The following INSL6 variants were observed in gnomAD, a reference collection of about 807,000 sequenced individuals.
INSL6 encodes the protein insulin-like peptide INSL6.
In INSL6, 16 loss-of-function variants were observed where a neutral mutation model predicts 9.4. The observed-to-expected ratio is 1.70, with a 90% CI of 1.15 to 2.59. INSL6 has a LOEUF of 2.59. INSL6 is among the 30% of genes most tolerant of loss of function. The pLI, the probability that INSL6 is intolerant of heterozygous loss-of-function variation, is 0.00. For synonymous variants in INSL6, 154 were observed against 96.9 expected, an observed-to-expected ratio of 1.59 and a Z score of -3.46; for missense variants, 391 against 257.3, an observed-to-expected ratio of 1.52 and a Z score of -3.56.
the INSL6 span, among the ~76,000 whole-genome samples, chr9:5,104,903 G>A: frequency 6.6e-6 from 1 of 152,146 alleles, no homozygotes; most frequent in Admixed American, 6.5e-5. Context: ...TTGATGGAAT[G>A]TATCTCAAAA....
intron 2 of INSL6, among the ~76,000 whole-genome samples, chr9:5,154,823 C>A (rs2130898171): frequency 6.6e-6 from 1 of 152,256 alleles, no homozygotes; most frequent in East Asian, 1.9e-4. Flanking sequence ...AGTCAGGAAA[C>A]AACAGGTGCT....
In INSL6 at chr9:5,180,378, T is replaced by C. The variant is rs186215302; in HGVS notation, c.289+4936A>G. Among the ~76,000 whole-genome samples, 651 of 152,294 alleles carry C rather than the reference T, an allele frequency of 4.3e-3. 4 individuals carry two copies. The highest frequency in any genetic ancestry group is 0.015 in the African/African-American group (606 of 41,574). ...AACAAGGGAAGACAACTGTAAGGTC[T>C]GACTGCCTGCGGGGTTGGGCAAAAA... On this transcript the variant is annotated intron_variant, in intron 1 of 1. Coordinates refer to ENST00000381641, the MANE Select transcript of INSL6 (RefSeq NM_007179.3).
At chr9:5,172,978 A>T (rs1285937890) in intron 1 of INSL6, among the ~76,000 whole-genome samples, 1 of 152,168 alleles carries the variant, frequency 6.6e-6, no homozygotes, top group Non-Finnish European at 1.5e-5. Flanking sequence ...CATTTCTTAA[A>T]AGAAGGCATT....
the INSL6 span, among the ~76,000 whole-genome samples, chr9:5,077,085 G>T: frequency 2.0e-5 from 3 of 151,794 alleles, no homozygotes; most frequent in South Asian, 2.1e-4. Flanking sequence ...GTGTGTAGAA[G>T]AACTTCAGGA....
intron 2 of INSL6, among the ~76,000 whole-genome samples, chr9:5,142,850 C>T (rs1007485300): frequency 6.6e-6 from 1 of 152,080 alleles, no homozygotes; most frequent in African/African-American, 2.4e-5. Context: ...ATATACGGCT[C>T]TTGTTATTTT....
chr9:5,115,733 A>C, the INSL6 span, among the ~76,000 whole-genome samples: 2 of 152,266 alleles, frequency 1.3e-5, no homozygotes, highest in African/African-American at 4.8e-5. Flanking sequence ...ATGCAGCCAT[A>C]AACAAGGATG....
the INSL6 span, chr9:5,072,571 A>G: frequency 1.9e-6 from 3 of 1,611,322 alleles, no homozygotes; most frequent in Non-Finnish European, 2.5e-6. Context: ...GGTCAACTGC[A>G]TGAAACAGAA....
chr9:5,040,864 C>T, the INSL6 span: 614 of 235,890 alleles, frequency 2.6e-3, 3 homozygotes, highest in African/African-American at 0.014. Flanking sequence ...GGAGAGGGGC[C>T]GGAGCGCGGA....
At chr9:5,054,073 G>A in the INSL6 span, among the ~76,000 whole-genome samples, 1 of 151,906 alleles carries the variant, frequency 6.6e-6, no homozygotes, top group African/African-American at 2.4e-5. The surrounding 1 kb of genome is among the most constrained non-coding windows in gnomAD (Gnocchi z 4.9). Context: ...AGTTGAAGCT[G>A]GCCTAACAAA....
chr9:5,130,922 G>C (rs1564033030), intron 3 of INSL6, among the ~76,000 whole-genome samples: 1 of 150,500 alleles, frequency 6.6e-6, no homozygotes, highest in African/African-American at 2.5e-5. Flanking sequence ...GTAGAGACGG[G>C]GTTTCACTGT....
chr9:5,037,772 G>T, the INSL6 span, among the ~76,000 whole-genome samples: 6 of 152,024 alleles, frequency 3.9e-5, no homozygotes, highest in Non-Finnish European at 8.8e-5. Flanking sequence ...CGAGTTACTG[G>T]GTGCAGCACA....
the INSL6 span, among the ~76,000 whole-genome samples, chr9:5,064,322 G>C: frequency 6.6e-6 from 1 of 152,120 alleles, no homozygotes; most frequent in African/African-American, 2.4e-5. Context: ...TTGAGGTCAG[G>C]AGTTGGAGAC....
At chr9:5,184,313 G>C (rs16922754) in intron 1 of INSL6, among the ~76,000 whole-genome samples, 2 of 152,092 alleles carry the variant, frequency 1.3e-5, no homozygotes, top group Non-Finnish European at 2.9e-5. Flanking sequence ...CTGAATTACT[G>C]TAAAAGGCAG....
chr9:5,026,083 T>C, the INSL6 span, among the ~76,000 whole-genome samples: 5 of 152,196 alleles, frequency 3.3e-5, no homozygotes, highest in African/African-American at 7.2e-5. Flanking sequence ...CTTCTCCCTA[T>C]TGGATTTTTA....
chr9:5,066,717 T>G, the INSL6 span: 1 of 1,610,856 alleles, frequency 6.2e-7, no homozygotes, highest in Non-Finnish European at 8.5e-7. Flanking sequence ...AAGCAGGTAA[T>G]CAGACTGGAC....
At chr9:5,111,796 C>T in the INSL6 span, 1 of 424,056 alleles carries the variant, frequency 2.4e-6, no homozygotes, top group Admixed American at 2.7e-5. Context: ...TCTCCTTGGC[C>T]CCCGGAGCCA....
intron 1 of INSL6, among the ~76,000 whole-genome samples, chr9:5,174,701 G>A (rs919485363): frequency 7.2e-5 from 11 of 152,128 alleles, no homozygotes; most frequent in African/African-American, 2.7e-4. Flanking sequence ...CTGCAAACAA[G>A]ATGACTCTTT....
intron 2 of INSL6, among the ~76,000 whole-genome samples, chr9:5,146,195 G>A (rs961615277): frequency 2.0e-5 from 3 of 151,952 alleles, no homozygotes; most frequent in African/African-American, 7.3e-5. Flanking sequence ...AATTGGCCTT[G>A]TTTCTTGAAG....
At chr9:5,037,803 A>C in the INSL6 span, among the ~76,000 whole-genome samples, 8 of 152,212 alleles carry the variant, frequency 5.3e-5, no homozygotes, top group African/African-American at 1.9e-4. Context: ...ACATGTATAC[A>C]TATGTAACTA....
Sources: allele counts gnomAD v4.1 joint callset (sites outside exome capture counted in the v4.1 genomes callset), GRCh38; gene constraint gnomAD v4.1.1; non-coding constraint Gnocchi (gnomAD v3.1); transcripts MANE v1.5; gene names NCBI Gene and HGNC (gene_info 2026-07-23, HGNC 2026-07-21).